The following FGD2 variants were observed in gnomAD, a reference collection of about 807,000 sequenced individuals.
FGD2 encodes FYVE, RhoGEF and PH domain-containing protein 2.
A neutral mutation model predicts 75.9 loss-of-function variants in FGD2; 52 were observed. That is an observed-to-expected ratio of 0.69 (90% CI 0.55 to 0.86). The LOEUF (loss-of-function observed/expected upper bound fraction) is 0.86, where lower values mean the gene tolerates loss of function less well. FGD2 is among the 40% of genes least tolerant of loss of function. FGD2 has a pLI of 0.00. For synonymous variants in FGD2, 347 were observed against 348.6 expected (o/e 1.00, Z 0.05); for missense variants, 790 against 872.0 (o/e 0.91, Z 1.18).
In FGD2 at chr6:37,014,709, G is replaced by A. The variant is rs368962591; in HGVS notation, c.882+5G>A. ...AATGCAGCCATCACTGAGATGGTAAGCAGCCCGCCCTCTCCTGGAGCCCTG... is the reference window on the plus strand; with the variant it reads ...AATGCAGCCATCACTGAGATGGTAAACAGCCCGCCCTCTCCTGGAGCCCTG... On this transcript the variant is annotated splice_donor_5th_base_variant and intron_variant, in intron 7 of 15. Coordinates refer to ENST00000274963, the MANE Select transcript of FGD2 (RefSeq NM_173558.4). The A allele has an allele frequency of 1.2e-6, 2 of 1,613,866 alleles. No individual in the cohort carries two copies. Among genetic ancestry groups the A allele is most frequent in the African/African-American group, 1.3e-5 (1 of 74,928 alleles).
chr6:37,012,485 G>T (rs1360537441), intron 4 of FGD2, among the ~76,000 whole-genome samples: 1 of 152,096 alleles, frequency 6.6e-6, no homozygotes, highest in Non-Finnish European at 1.5e-5. Flanking sequence ...GCCAAGGTGG[G>T]TGGATCACTT....
intron 14 of FGD2, 44 bp downstream of exon 14, chr6:37,025,982 G>A (rs1485321004): frequency 6.2e-6 from 10 of 1,605,900 alleles, no homozygotes; most frequent in Admixed American, 3.4e-5. Flanking sequence ...CCTCTGTTCA[G>A]GGAATGTGTG....
In FGD2 at chr6:37,015,040, T is replaced by A; in HGVS notation, c.1029+2T>A. The A allele has an allele frequency of 6.2e-7, 1 of 1,612,164 alleles. No individual in the cohort carries two copies. The highest frequency in any genetic ancestry group is 8.5e-7 in the Non-Finnish European group (1 of 1,179,022). ...CCCATGGAGCGCTACCTTTTCTTGG[T>A]AAGAGGGTGCTGGGAGCTCCTCTCC... is the stretch of plus-strand genomic sequence containing the variant. On this transcript the variant is annotated splice_donor_variant, in intron 8 of 15. Coordinates refer to ENST00000274963, the MANE Select transcript of FGD2 (RefSeq NM_173558.4). LOFTEE classifies it high-confidence loss of function.
chr6:37,017,303 G>A (rs1765345990), intron 9 of FGD2, among the ~76,000 whole-genome samples: 1 of 152,154 alleles, frequency 6.6e-6, no homozygotes, highest in African/African-American at 2.4e-5. Context: ...GAATAGCCTG[G>A]TACAGCCTGC....
At chr6:37,014,580 G>T in intron 6 of FGD2, 66 bp from the exon 7 acceptor site, 1 of 1,590,416 alleles carries the variant, frequency 6.3e-7, no homozygotes. Flanking sequence ...TGAACTTCAA[G>T]GACCTCCTGC....
rs1270374251 is a variant in FGD2 at position 37,013,501 on chromosome 6, C to T, written c.528-108C>T. The T allele has an allele frequency of 6.1e-5, 92 of 1,506,756 alleles. 1 individual carries two copies. In the East Asian group the frequency reaches 2.0e-3, roughly 33 times the overall value. 93.3% of individuals were successfully genotyped at this position (1,506,756 alleles called of 1,614,324 possible). A position where few individuals can be genotyped will look rare whatever the true frequency, so the allele number is the denominator to read the frequency against. On this transcript the variant is annotated intron_variant, in intron 4 of 15. Coordinates refer to ENST00000274963, the MANE Select transcript of FGD2 (RefSeq NM_173558.4). ...GTACCCCGCCCACACCCAGAATTGC[C>T]GTGGAAAGTTTGCTTTGGGGGATTC...
At chr6:37,007,958 G>A (rs1427201223) in intron 1 of FGD2, among the ~76,000 whole-genome samples, 3 of 152,176 alleles carry the variant, frequency 2.0e-5, no homozygotes, top group African/African-American at 7.2e-5. Flanking sequence ...TACTCAAATG[G>A]GGAGGGGCAG....
chr6:37,016,531 T>C (rs1430160633), intron 9 of FGD2, among the ~76,000 whole-genome samples: 2 of 121,646 alleles, frequency 1.6e-5, no homozygotes, highest in African/African-American at 6.7e-5. Context: ...TAGAATCTTC[T>C]GGATTTTTTT....
Position 37,013,647 on chromosome 6 carries a change from T to C in FGD2, c.566T>C (p.Leu189Pro). The C allele has an allele frequency of 1.9e-6, 3 of 1,614,054 alleles. No individual in the cohort carries two copies. The highest frequency in any genetic ancestry group is 2.5e-6 in the Non-Finnish European group (3 of 1,179,938). ...CGCATCGGTGACGTGATCCAGAAGC[T>C]GGCCCCCTTCCTGAAGATGTACAGT... ...NPRIGDVIQK[L>P]APFLKMYSEY... Residue 189 changes from leucine (L) to proline (P), a missense_variant, in exon 5 of 16, where the codon CTG becomes CCG. Coordinates refer to ENST00000274963, the MANE Select transcript of FGD2 (RefSeq NM_173558.4).
intron 3 of FGD2, 192 bp downstream of exon 3, chr6:37,011,242 A>G: frequency 1.6e-6 from 1 of 617,124 alleles, no homozygotes; most frequent in Non-Finnish European, 2.9e-6. Context: ...AGTACTCCCC[A>G]TTCTGCCTGT....
Position 37,005,802 on chromosome 6 carries a change from C to A in FGD2, c.-16C>A. On this transcript the variant is annotated 5_prime_UTR_variant, in exon 1 of 16. Transcript: ENST00000274963. ...TGCTTCGAGGGTAGCTGAGATCCAC[C>A]CCGGAAACCGGCAGGATGAAGGGGG... 1 of 1,613,356 alleles carries A rather than the reference C, an allele frequency of 6.2e-7. No individual in the cohort carries two copies. The highest frequency in any genetic ancestry group is 8.5e-7 in the Non-Finnish European group (1 of 1,179,862).
At position 37,028,872 on chromosome 6, in the gene FGD2, G is replaced by A. The variant is rs560618698; in HGVS notation, c.*709G>A. On this transcript the variant is annotated 3_prime_UTR_variant, in exon 16 of 16. Coordinates refer to ENST00000274963, the MANE Select transcript of FGD2 (RefSeq NM_173558.4). ...GATGCTCCCACCTCCACCTCCCAAAGTGCTGGGATTACAGGCGTGAGCCAC... is the reference window on the plus strand; with the variant it reads ...GATGCTCCCACCTCCACCTCCCAAAATGCTGGGATTACAGGCGTGAGCCAC... The A allele has an allele frequency of 1.2e-4, 19 of 152,042 alleles. No individual in the cohort carries two copies. The highest frequency in any genetic ancestry group is 3.9e-4 in the African/African-American group (16 of 41,454). The allele number at this position is 152,042 out of a possible 1,614,324, so 9.4% of individuals were successfully genotyped here.
chr6:37,023,127 CTCACCCACCCCG>C (rs1417467324), intron 13 of FGD2: 1 of 155,338 alleles, frequency 6.4e-6, no homozygotes, highest in East Asian at 1.9e-4. Flanking sequence ...CCACTATGCA[CTCACCCACCCCG>C]TCATCCTCTC....
intron 11 of FGD2, 31 bp downstream of exon 11, chr6:37,020,770 C>CT: frequency 1.3e-6 from 2 of 1,553,196 alleles, no homozygotes; most frequent in South Asian, 1.2e-5. Flanking sequence ...TTCTGGGAGT[C>CT]TTTTTCCTTT....
Position 37,008,926 on chromosome 6 carries a change from A to T in FGD2, c.161A>T (p.Lys54Met). ...RPPESPGPREKTNVGEAVGSE... is the reference protein window; with the variant it reads ...RPPESPGPREMTNVGEAVGSE... Reference sequence around the variant, plus strand: ...CCCGAGTCCCCAGGACCACGGGAGAAGACGAATGTCGGGGAGGCCGTGGGG... The same window carrying T: ...CCCGAGTCCCCAGGACCACGGGAGATGACGAATGTCGGGGAGGCCGTGGGG... Residue 54 changes from lysine to methionine, a missense_variant, in exon 2 of 16, where the codon AAG becomes ATG. By Grantham distance (95) the Lys-to-Met change is moderately conservative. Coordinates refer to ENST00000274963, the MANE Select transcript of FGD2 (RefSeq NM_173558.4). 6.2e-7 allele frequency: 1 copy of T among 1,614,238 alleles called. No homozygotes were observed. Among genetic ancestry groups the T allele is most frequent in the Non-Finnish European group, 8.5e-7 (1 of 1,180,042 alleles).
intron 9 of FGD2, among the ~76,000 whole-genome samples, chr6:37,019,392 G>C (rs1303171848): frequency 6.6e-6 from 1 of 152,240 alleles, no homozygotes; most frequent in Non-Finnish European, 1.5e-5. Flanking sequence ...GAGTGAGGCT[G>C]CAGACTAGGC....
chr6:37,022,609 G>C (rs1238740850), intron 13 of FGD2: 2 of 512,882 alleles, frequency 3.9e-6, no homozygotes, highest in East Asian at 7.6e-5. Context: ...GCTTCCACTT[G>C]ATCCACCTAG....
At chr6:37,013,288 G>A (rs2150772135) in intron 4 of FGD2, 1 of 298,278 alleles carries the variant, frequency 3.4e-6, no homozygotes, top group Middle Eastern at 1.1e-3. Flanking sequence ...CATGTCCTGG[G>A]TAGTGCTTGG....
Position 37,013,453 on chromosome 6 carries a change from G to A in FGD2, c.528-156G>A, listed in dbSNP as rs1033338371. 43 of 1,433,588 alleles carry A rather than the reference G, an allele frequency of 3.0e-5. No homozygotes were observed. In the African/African-American group the frequency reaches 5.5e-4, roughly 18 times the overall value. 88.8% of individuals were successfully genotyped at this position (1,433,588 alleles called of 1,614,324 possible). On this transcript the variant is annotated intron_variant, in intron 4 of 15. Coordinates refer to ENST00000274963, the MANE Select transcript of FGD2 (RefSeq NM_173558.4). ...GGCTCACAGTCTAAGGAGTAGAGGGGCGCATGTGAGGATGACACCCCCGTA... is the reference window on the plus strand; with the variant it reads ...GGCTCACAGTCTAAGGAGTAGAGGGACGCATGTGAGGATGACACCCCCGTA...
Sources: allele counts gnomAD v4.1 joint callset (sites outside exome capture counted in the v4.1 genomes callset), GRCh38; gene constraint gnomAD v4.1.1; transcripts MANE v1.5; gene names NCBI Gene and HGNC (gene_info 2026-07-23, HGNC 2026-07-21).